Variants in OTOGL observed in about 807,000 individuals in gnomAD.
OTOGL encodes otogelin-like protein.
In OTOGL, 285 loss-of-function variants were observed where a neutral mutation model predicts 318.5. That is an observed-to-expected ratio of 0.89 (90% CI 0.81 to 0.99). The LOEUF is 0.99. Ranked by LOEUF, OTOGL falls within the 50% of genes least tolerant of loss-of-function variation. The pLI, the probability that OTOGL is intolerant of heterozygous loss-of-function variation, is 0.00. For synonymous variants in OTOGL, 987 were observed against 936.5 expected, an observed-to-expected ratio of 1.05 and a Z score of -0.99; for missense variants, 2,899 against 2,845.6, an observed-to-expected ratio of 1.02 and a Z score of -0.43.
intron 41 of OTOGL, 40 bp from the exon 42 acceptor site, chr12:80,336,872 G>A (rs1385889873): frequency 1.6e-5 from 25 of 1,539,078 alleles, no homozygotes; most frequent in Non-Finnish European, 1.4e-5. Context: ...CACTACAATT[G>A]TGTTTAACTC....
intron 1 of OTOGL, among the ~76,000 whole-genome samples, chr12:80,124,331 G>A (rs187806773): frequency 4.0e-4 from 61 of 152,150 alleles, no homozygotes; most frequent in East Asian, 2.5e-3. Flanking sequence ...GAGGTTTGTC[G>A]AAGATCAGAT....
intron 21 of OTOGL, 136 bp downstream of exon 21, chr12:80,266,752 A>G (rs936264691): frequency 4.5e-6 from 4 of 879,998 alleles, no homozygotes; most frequent in Admixed American, 3.0e-5. Context: ...AACCCTGCAA[A>G]TGTTCATCAA....
rs532313835 is a variant in OTOGL at position 80,255,521 on chromosome 12, GT to G, written c.1587+342del. ...TTGTACATATAGTTTTGTACGTATA[GT>G]TTTTTGAACATTTTATGCATGATTG... On this transcript the variant is annotated intron_variant, in intron 16 of 58. Coordinates refer to ENST00000547103, the MANE Select transcript of OTOGL (RefSeq NM_001378609.3). 2.2e-3 allele frequency among the ~76,000 whole-genome samples: 328 copies of G among 151,934 alleles called. 2 individuals are homozygous for G. Among genetic ancestry groups the G allele is most frequent in the Non-Finnish European group, 3.8e-3 (258 of 67,858 alleles).
At chr12:80,354,647 A>G (rs763264195) in intron 46 of OTOGL, among the ~76,000 whole-genome samples, 6 of 152,176 alleles carry the variant, frequency 3.9e-5, no homozygotes, top group Non-Finnish European at 7.4e-5. Context: ...AGTGAAATGC[A>G]TATATAGTTT....
At chr12:80,253,316 G>A in intron 13 of OTOGL, 150 bp from the exon 14 acceptor site, 1 of 661,340 alleles carries the variant, frequency 1.5e-6, no homozygotes, top group Non-Finnish European at 2.6e-6. Flanking sequence ...CTGAGAGTCA[G>A]GTTGTCAGTA....
intron 44 of OTOGL, among the ~76,000 whole-genome samples, chr12:80,349,352 C>G (rs530642669): frequency 1.3e-5 from 2 of 152,182 alleles, no homozygotes; most frequent in South Asian, 4.2e-4. Flanking sequence ...TTACTATTAA[C>G]GCTATTTCAC....
chr12:80,280,785 AG>A (rs1277030195), intron 26 of OTOGL, among the ~76,000 whole-genome samples: 1 of 151,588 alleles, frequency 6.6e-6, no homozygotes, highest in African/African-American at 2.4e-5. Flanking sequence ...AGCTTTGGGA[AG>A]TATGGCCATT....
chr12:80,368,215 A>G lies in OTOGL; in HGVS notation c.6521A>G (p.Tyr2174Cys), dbSNP rs201222095. 137 of 1,595,908 alleles carry G rather than the reference A, an allele frequency of 8.6e-5. No homozygotes were observed. The highest frequency in any genetic ancestry group is 1.1e-4 in the Non-Finnish European group (124 of 1,168,458). ...TATCATTATATGCAGCACCAGGTAT[A>G]TACTCCATCCCCAAGTGATTATGGT... ...CSKKCDVHQV[Y>C]TPSPSDYGCC... Residue 2174 changes from tyrosine to cysteine, a missense_variant, in exon 55 of 59, where the codon TAT becomes TGT. Tyr to Cys is a radical substitution (Grantham distance 194). Transcript: ENST00000547103.
rs1029905588 is a variant in OTOGL, at chr12:80,210,884, A to G, written c.117A>G (p.Ser39=). 1 of 1,484,142 alleles carries G rather than the reference A, an allele frequency of 6.7e-7. No individual in the cohort carries two copies. Among genetic ancestry groups the G allele is most frequent in the South Asian group, 1.3e-5 (1 of 77,570 alleles). 91.9% of individuals were successfully genotyped at this position (1,484,142 alleles called of 1,614,324 possible). A position where few individuals can be genotyped will look rare whatever the true frequency, so the allele number is the denominator to read the frequency against. Residue 39 remains serine (S), a splice_region_variant and synonymous_variant, in exon 3 of 59, where the codon TCA becomes TCG. Transcript: ENST00000547103. ...ICASSILMGT[S]KNGFNENRQK... ...CATCGTCTATATTGATGGGAACATC[A>G]AAGTGAGTATTTCTTGTTCTTCGTG...
chr12:80,256,515 A>AACAAACAG lies in OTOGL; in HGVS notation c.1711+62_1711+63insGACAAACA, dbSNP rs1882066354. 6 of 1,515,760 alleles carry AACAAACAG rather than the reference A, an allele frequency of 4.0e-6. No homozygotes were observed. The South Asian group carries it at 7.5e-5, about 19-fold the overall frequency. The allele number at this position is 1,515,760 out of a possible 1,614,324, so 93.9% of individuals were successfully genotyped here. On this transcript the variant is annotated intron_variant, in intron 17 of 58. Coordinates refer to ENST00000547103, the MANE Select transcript of OTOGL (RefSeq NM_001378609.3). ...TTTACATCAAACAAACAAACAAACA[A>AACAAACAG]ACAAACAACACACGCAAACAAAATG... is the stretch of plus-strand genomic sequence containing the variant.
intron 28 of OTOGL, 38 bp downstream of exon 28, chr12:80,302,821 A>G: frequency 1.4e-6 from 2 of 1,395,834 alleles, no homozygotes; most frequent in Non-Finnish European, 1.9e-6. Context: ...TGTAATGAAT[A>G]AAATCACATT....
chr12:80,259,316 T>C (rs1299805429), intron 18 of OTOGL, among the ~76,000 whole-genome samples: 2 of 151,538 alleles, frequency 1.3e-5, no homozygotes, highest in South Asian at 2.1e-4. Flanking sequence ...GAGAAGCTAC[T>C]CTCCAAATAC....
At chr12:80,216,648 CTA>C (rs1327344081) in intron 4 of OTOGL, among the ~76,000 whole-genome samples, 1 of 152,162 alleles carries the variant, frequency 6.6e-6, no homozygotes, top group Non-Finnish European at 1.5e-5. Context: ...ATTATCCTAA[CTA>C]TACAACGAGG....
At chr12:80,266,385 A>G (rs1882961304) in intron 20 of OTOGL, 66 bp from the exon 21 acceptor site, 3 of 1,520,748 alleles carry the variant, frequency 2.0e-6, no homozygotes, top group South Asian at 1.2e-5. Context: ...ATAGACCTCT[A>G]AGGAGGCATA....
intron 32 of OTOGL, 70 bp from the exon 33 acceptor site, chr12:80,318,476 C>A: frequency 1.9e-6 from 2 of 1,075,796 alleles, no homozygotes; most frequent in Non-Finnish European, 2.4e-6. Context: ...TAAAACATTT[C>A]TTTGAAATGA....
chr12:80,134,512 A>G (rs1309279955), intron 1 of OTOGL, among the ~76,000 whole-genome samples: 2 of 152,204 alleles, frequency 1.3e-5, no homozygotes, highest in East Asian at 3.8e-4. Context: ...TGATTTTGGT[A>G]TCCTCCACTC....
In OTOGL at chr12:80,380,409, A is replaced by G. The variant is rs918340373; in HGVS notation, c.*2361A>G. ...TCCTGTATGTAAAGAACTCTTGAAA[A>G]AAATAACAAAAGGAAAAAATTAACA... is the stretch of plus-strand genomic sequence containing the variant. On this transcript the variant is annotated 3_prime_UTR_variant, in exon 59 of 59. Transcript: ENST00000547103. 1.3e-5 allele frequency: 2 copies of G among 152,084 alleles called. No homozygotes were observed. 9.4% of individuals were successfully genotyped at this position (152,084 alleles called of 1,614,324 possible).
At chr12:80,127,013 T>C (rs978315727) in intron 1 of OTOGL, among the ~76,000 whole-genome samples, 1 of 152,202 alleles carries the variant, frequency 6.6e-6, no homozygotes, top group African/African-American at 2.4e-5. Flanking sequence ...AGTCCGTGTC[T>C]TTTAATTGGA....
chr12:80,281,089 C>G (rs989157095), intron 26 of OTOGL, among the ~76,000 whole-genome samples: 5 of 151,764 alleles, frequency 3.3e-5, no homozygotes, highest in African/African-American at 1.2e-4. Context: ...GTTCTAGGAG[C>G]CTTTGGGCAG....
Sources: allele counts gnomAD v4.1 joint callset (sites outside exome capture counted in the v4.1 genomes callset), GRCh38; gene constraint gnomAD v4.1.1; transcripts MANE v1.5; gene names NCBI Gene and HGNC (gene_info 2026-07-23, HGNC 2026-07-21).